Variants in KIAA1217 observed in about 807,000 individuals in gnomAD.
KIAA1217 encodes KIAA1217.
Under a neutral mutation model 163.9 loss-of-function variants are expected in KIAA1217, and 88 were observed. The observed-to-expected ratio is 0.54, with a 90% confidence interval of 0.45 to 0.64. KIAA1217 has a LOEUF of 0.64. Among genes scored for constraint, KIAA1217 ranks in the 30% least tolerant of loss-of-function variants. The pLI is 0.00. For synonymous variants in KIAA1217, 903 were observed against 923.1 expected, an observed-to-expected ratio of 0.98 and a Z score of 0.39; for missense variants, 2,372 against 2,475.0, an observed-to-expected ratio of 0.96 and a Z score of 0.88.
chr10:23,830,709 G>GGT (rs200109591), intron 1 of KIAA1217, among the ~76,000 whole-genome samples: 62 of 128,576 alleles, frequency 4.8e-4, no homozygotes, highest in African/African-American at 1.4e-3. Context: ...TAGGTAGGTA[G>GGT]ATAGATAGGT....
At chr10:23,975,868 AT>A (rs1181183765) in intron 1 of KIAA1217, among the ~76,000 whole-genome samples, 1 of 152,134 alleles carries the variant, frequency 6.6e-6, no homozygotes, top group Non-Finnish European at 1.5e-5. Context: ...TTCCATGGCA[AT>A]TGTTAGAATT....
At chr10:24,423,433 C>T (rs2058918588) in intron 3 of KIAA1217, among the ~76,000 whole-genome samples, 1 of 151,862 alleles carries the variant, frequency 6.6e-6, no homozygotes, top group African/African-American at 2.4e-5. Flanking sequence ...TACAGGCGCA[C>T]ACCACCACGC....
At chr10:24,126,520 T>G (rs2063479144) in intron 2 of KIAA1217, among the ~76,000 whole-genome samples, 1 of 152,158 alleles carries the variant, frequency 6.6e-6, no homozygotes, top group South Asian at 2.1e-4. Flanking sequence ...CATGACAGAT[T>G]GTTTCTGCAT....
At chr10:23,946,848 G>C (rs1844071483) in intron 1 of KIAA1217, among the ~76,000 whole-genome samples, 1 of 152,136 alleles carries the variant, frequency 6.6e-6, no homozygotes, top group Non-Finnish European at 1.5e-5. Flanking sequence ...ACATGGTTTT[G>C]CTGTGTCCCC....
At chr10:23,966,629 C>T (rs1845079040) in intron 1 of KIAA1217, among the ~76,000 whole-genome samples, 1 of 152,228 alleles carries the variant, frequency 6.6e-6, no homozygotes, top group African/African-American at 2.4e-5. Flanking sequence ...TCCCCTCTGG[C>T]ATACAGTCAA....
chr10:23,933,385 A>G (rs549934635), intron 1 of KIAA1217, among the ~76,000 whole-genome samples: 2 of 152,276 alleles, frequency 1.3e-5, no homozygotes, highest in African/African-American at 4.8e-5. Context: ...TGGCTAGGTG[A>G]CCAGTCACTG....
intron 1 of KIAA1217, among the ~76,000 whole-genome samples, chr10:23,782,321 C>T (rs1835294770): frequency 6.6e-6 from 1 of 152,030 alleles, no homozygotes; most frequent in Non-Finnish European, 1.5e-5. Flanking sequence ...GATTTTGATG[C>T]TATTACAAAT....
intron 1 of KIAA1217, among the ~76,000 whole-genome samples, chr10:23,971,679 T>A (rs1188956947): frequency 6.6e-6 from 1 of 152,232 alleles, no homozygotes; most frequent in East Asian, 1.9e-4. Flanking sequence ...ATTTATTTTT[T>A]GACATATTTT....
chr10:24,520,388 C>T, intron 11 of KIAA1217, 135 bp downstream of exon 11: 1 of 1,223,120 alleles, frequency 8.2e-7, no homozygotes, highest in Non-Finnish European at 1.1e-6. Context: ...TTGTTCTGGA[C>T]ACTTGGGATA....
intron 3 of KIAA1217, among the ~76,000 whole-genome samples, chr10:24,396,526 G>C (rs1204391575): frequency 1.3e-5 from 2 of 152,142 alleles, no homozygotes; most frequent in African/African-American, 2.4e-5. Context: ...GATACAGAGA[G>C]CGCTGAAGAC....
chr10:23,991,348 A>G (rs538681201), intron 1 of KIAA1217, among the ~76,000 whole-genome samples: 1 of 152,276 alleles, frequency 6.6e-6, no homozygotes, highest in South Asian at 2.1e-4. Context: ...GTAGCCCATC[A>G]TGTACTGGCT....
intron 3 of KIAA1217, among the ~76,000 whole-genome samples, chr10:24,394,975 C>T (rs372625442): frequency 2.0e-5 from 3 of 152,286 alleles, no homozygotes; most frequent in Admixed American, 1.3e-4. Flanking sequence ...TTCAGTAGGT[C>T]TAGGGTGGGA....
chr10:23,733,663 C>A (rs1004028101), intron 1 of KIAA1217, among the ~76,000 whole-genome samples: 4 of 151,536 alleles, frequency 2.6e-5, no homozygotes, highest in African/African-American at 9.7e-5. Flanking sequence ...TTGGTTGAAT[C>A]TGCATATGCA....
chr10:23,736,165 G>A (rs115563333), intron 1 of KIAA1217, among the ~76,000 whole-genome samples: 2,167 of 152,296 alleles, frequency 0.014, 47 homozygotes, highest in African/African-American at 0.046. Context: ...CTTTGCACAT[G>A]TTATTTAGGA....
At chr10:23,977,610 A>G (rs1845593689) in intron 1 of KIAA1217, among the ~76,000 whole-genome samples, 1 of 152,226 alleles carries the variant, frequency 6.6e-6, no homozygotes, top group African/African-American at 2.4e-5. Context: ...CAGTTGGAAA[A>G]GAAAATCTAC....
At chr10:24,025,917 G>GATTTTTCT (rs1847922805) in intron 2 of KIAA1217, among the ~76,000 whole-genome samples, 1 of 151,612 alleles carries the variant, frequency 6.6e-6, no homozygotes, top group Non-Finnish European at 1.5e-5. Flanking sequence ...GATTATTTTG[G>GATTTTTCT]ATTTTTCTAC....
intron 9 of KIAA1217, among the ~76,000 whole-genome samples, chr10:24,502,190 C>G (rs1478747831): frequency 6.7e-6 from 1 of 149,980 alleles, no homozygotes; most frequent in Non-Finnish European, 1.5e-5. Flanking sequence ...AGCTTGGAGG[C>G]TCCATCCTCC....
At chr10:24,201,217 G>C (rs2067240066) in intron 2 of KIAA1217, among the ~76,000 whole-genome samples, 1 of 152,158 alleles carries the variant, frequency 6.6e-6, no homozygotes, top group Non-Finnish European at 1.5e-5. Flanking sequence ...GTTGCAGTGA[G>C]CCAAGTTCCC....
At chr10:24,290,752 A>G (rs1477529565) in intron 2 of KIAA1217, among the ~76,000 whole-genome samples, 1 of 151,732 alleles carries the variant, frequency 6.6e-6, no homozygotes, top group Non-Finnish European at 1.5e-5. Flanking sequence ...ACAGGTGCCC[A>G]CCACCATGCC....
Sources: gnomAD v4.1 joint callset for allele counts (sites outside exome capture counted in the v4.1 genomes callset) on GRCh38, gnomAD v4.1.1 for gene constraint, MANE v1.5 for transcripts, NCBI Gene and HGNC (gene_info 2026-07-23, HGNC 2026-07-21) for gene names.